FHIT: variants seen among roughly 807,000 people sequenced by gnomAD.
FHIT encodes the protein bis(5'-adenosyl)-triphosphatase.
A neutral mutation model predicts 17.9 loss-of-function variants in FHIT; 19 were observed. That is an observed-to-expected ratio of 1.06 (90% CI 0.74 to 1.56). The LOEUF is 1.56. Among genes scored for constraint, FHIT ranks in the 40% most tolerant of loss-of-function variants. The pLI is 0.00. For missense variants in FHIT, 248 were observed against 189.2 expected, an observed-to-expected ratio of 1.31 and a Z score of -1.82; for synonymous variants, 81 against 69.7, an observed-to-expected ratio of 1.16 and a Z score of -0.81.
intron 4 of FHIT, among the ~76,000 whole-genome samples, chr3:60,735,912 G>A (rs2107998334): frequency 6.6e-6 from 1 of 152,234 alleles, no homozygotes; most frequent in East Asian, 1.9e-4. Flanking sequence ...ATACTGATGG[G>A]CTATTACCTC....
At chr3:61,209,891 A>C (rs1199227758) in intron 1 of FHIT, among the ~76,000 whole-genome samples, 1 of 152,048 alleles carries the variant, frequency 6.6e-6, no homozygotes, top group East Asian at 1.9e-4. Flanking sequence ...AGGCACTCTG[A>C]TTTTTAGAGT....
chr3:59,766,767 G>A (rs1164925420), intron 8 of FHIT, among the ~76,000 whole-genome samples: 1 of 152,194 alleles, frequency 6.6e-6, no homozygotes, highest in African/African-American at 2.4e-5. Context: ...ATTGGGGAAT[G>A]AAACAGCACA....
intron 5 of FHIT, among the ~76,000 whole-genome samples, chr3:60,401,255 C>G (rs1416272494): frequency 6.6e-6 from 1 of 152,194 alleles, no homozygotes; most frequent in Non-Finnish European, 1.5e-5. Context: ...TACATGTGAT[C>G]TCCAAAGTGG....
intron 4 of FHIT, among the ~76,000 whole-genome samples, chr3:60,616,189 T>C (rs1364906963): frequency 2.0e-5 from 3 of 152,188 alleles, no homozygotes; most frequent in Non-Finnish European, 4.4e-5. Flanking sequence ...TGTTTGGATA[T>C]CCACAAGACC....
chr3:60,699,700 T>TAA (rs56396940), intron 4 of FHIT, among the ~76,000 whole-genome samples: 113,253 of 140,796 alleles, frequency 0.8, 45,444 homozygotes, highest in Non-Finnish European at 0.9. Context: ...AAAAAAAAAT[T>TAA]AAAAAAAAAA....
chr3:60,842,631 A>G lies in FHIT; in HGVS notation c.-110-20620T>C, dbSNP rs201656113. 3.4e-4 allele frequency among the ~76,000 whole-genome samples: 9 copies of G among 26,708 alleles called. 1 individual carries two copies. The highest frequency in any genetic ancestry group is 5.4e-3 in the South Asian group (2 of 372). The allele number at this position is 26,708 out of a possible 152,430, so 17.5% of individuals were successfully genotyped here. A position where few individuals can be genotyped will look rare whatever the true frequency, so the allele number is the denominator to read the frequency against. On this transcript the variant is annotated intron_variant, in intron 3 of 9. Coordinates refer to ENST00000492590, the MANE Select transcript of FHIT (RefSeq NM_002012.4). Reference sequence around the variant, plus strand: ...TATATATACATATATATATGAGTGTATATATATATATATATTTTTTTTTTT... The same window carrying G: ...TATATATACATATATATATGAGTGTGTATATATATATATATTTTTTTTTTT...
chr3:60,095,160 G>A lies in FHIT; in HGVS notation c.104-81008C>T, dbSNP rs560914736. 1.7e-3 allele frequency among the ~76,000 whole-genome samples: 264 copies of A among 152,248 alleles called. 1 individual carries two copies. The highest frequency in any genetic ancestry group is 6.1e-3 in the African/African-American group (253 of 41,542). ...TTATCTCAAAAAGGTCTGAAGCAGG[G>A]CGTGTTGATAGCCAAGAGGCACAAC... On this transcript the variant is annotated intron_variant, in intron 5 of 9. Coordinates refer to ENST00000492590, the MANE Select transcript of FHIT (RefSeq NM_002012.4).
intron 5 of FHIT, among the ~76,000 whole-genome samples, chr3:60,119,332 C>T (rs1345477283): frequency 6.6e-6 from 1 of 152,078 alleles, no homozygotes; most frequent in East Asian, 2.0e-4. Context: ...CTTGGCCTCC[C>T]AAAGTGCTGG....
At chr3:61,179,001 T>A (rs1371867538) in intron 2 of FHIT, among the ~76,000 whole-genome samples, 1 of 142,480 alleles carries the variant, frequency 7.0e-6, no homozygotes, top group Non-Finnish European at 1.5e-5. Flanking sequence ...TATTTCTTTT[T>A]CTTTTTCTTT....
intron 5 of FHIT, among the ~76,000 whole-genome samples, chr3:60,532,941 AG>A (rs1249490032): frequency 6.7e-6 from 1 of 149,536 alleles, no homozygotes; most frequent in African/African-American, 2.5e-5. Context: ...CACTCCCCAA[AG>A]GGCACCTGAA....
chr3:60,023,387 T>C (rs1272554773), intron 5 of FHIT, among the ~76,000 whole-genome samples: 1 of 152,216 alleles, frequency 6.6e-6, no homozygotes, highest in East Asian at 1.9e-4. Flanking sequence ...GGGAGTGCCC[T>C]GAGCACATAC....
At chr3:60,203,060 G>C (rs1702988501) in intron 5 of FHIT, among the ~76,000 whole-genome samples, 1 of 151,564 alleles carries the variant, frequency 6.6e-6, no homozygotes, top group Admixed American at 6.6e-5. Flanking sequence ...CTGTAAAATT[G>C]GTAAAATCTG....
intron 4 of FHIT, among the ~76,000 whole-genome samples, chr3:60,652,010 T>C (rs1553688393): frequency 6.6e-6 from 1 of 152,112 alleles, no homozygotes; most frequent in African/African-American, 2.4e-5. Flanking sequence ...TGAATAAAAG[T>C]CTGTTGGCTT....
intron 2 of FHIT, among the ~76,000 whole-genome samples, chr3:61,186,906 C>G (rs2038531806): frequency 6.6e-6 from 1 of 152,218 alleles, no homozygotes. Flanking sequence ...GTCATTAACT[C>G]TGACCGCTCC....
intron 1 of FHIT, among the ~76,000 whole-genome samples, chr3:61,236,204 T>C (rs1407537549): frequency 6.8e-6 from 1 of 147,906 alleles, no homozygotes; most frequent in Non-Finnish European, 1.5e-5. Context: ...ATATATAGTA[T>C]ATTATATTAT....
At chr3:61,215,980 A>G (rs2106796344) in intron 1 of FHIT, among the ~76,000 whole-genome samples, 1 of 126,822 alleles carries the variant, frequency 7.9e-6, no homozygotes, top group Admixed American at 8.4e-5. Context: ...CTTACATCTT[A>G]TACAAATTAA....
chr3:61,123,240 C>T (rs1576056449), intron 2 of FHIT, among the ~76,000 whole-genome samples: 1 of 152,112 alleles, frequency 6.6e-6, no homozygotes, highest in Admixed American at 6.5e-5. Flanking sequence ...TCTCAGCAAA[C>T]TAACACAGGA....
chr3:60,012,751 T>C (rs1044796919), intron 6 of FHIT, among the ~76,000 whole-genome samples: 93 of 152,216 alleles, frequency 6.1e-4, no homozygotes, highest in African/African-American at 2.1e-3. Context: ...CAGTAAAAAA[T>C]AGTTTGACCA....
At chr3:61,197,720 A>G (rs1163257119) in intron 2 of FHIT, among the ~76,000 whole-genome samples, 3 of 152,198 alleles carry the variant, frequency 2.0e-5, no homozygotes, top group South Asian at 4.1e-4. Flanking sequence ...ACAAATGTCT[A>G]AAGAATATAC....
Sources: gnomAD v4.1 joint callset for allele counts (sites outside exome capture counted in the v4.1 genomes callset) on GRCh38, gnomAD v4.1.1 for gene constraint, MANE v1.5 for transcripts, NCBI Gene and HGNC (gene_info 2026-07-23, HGNC 2026-07-21) for gene names.